Variants in RIMS2 observed in about 807,000 individuals in gnomAD.
RIMS2 encodes the protein regulating synaptic membrane exocytosis protein 2.
RIMS2 carries 59 observed loss-of-function variants against 174.4 expected under a neutral mutation model. That is an observed-to-expected ratio of 0.34 (90% confidence interval 0.27 to 0.42). The LOEUF is 0.42. Ranked by LOEUF, RIMS2 falls within the 10% of genes least tolerant of loss-of-function variation. The pLI, the probability that RIMS2 is intolerant of heterozygous loss-of-function variation, is 1.00. For synonymous variants in RIMS2, 606 were observed against 572.5 expected (o/e 1.06, Z -0.84); for missense variants, 1,620 against 1,666.3 (o/e 0.97, Z 0.48).
intron 1 of RIMS2, among the ~76,000 whole-genome samples, chr8:103,629,374 A>G (rs1236440929): frequency 6.6e-6 from 1 of 152,250 alleles, no homozygotes; most frequent in Admixed American, 6.5e-5. Flanking sequence ...AGAACTCAGC[A>G]GTGGTATAGA....
At chr8:103,566,192 GTA>G (rs1436092821) in intron 1 of RIMS2, among the ~76,000 whole-genome samples, 1 of 152,112 alleles carries the variant, frequency 6.6e-6, no homozygotes, top group Non-Finnish European at 1.5e-5. Flanking sequence ...GTCTTAACTG[GTA>G]TTTCTTACAT....
intron 17 of RIMS2, among the ~76,000 whole-genome samples, chr8:103,999,081 A>G (rs533835074): frequency 2.0e-5 from 3 of 151,848 alleles, no homozygotes; most frequent in African/African-American, 7.2e-5. Flanking sequence ...ATGTGGTGGA[A>G]GGCTTAGCTA....
intron 3 of RIMS2, among the ~76,000 whole-genome samples, chr8:103,801,238 C>T (rs948202281): frequency 5.3e-5 from 8 of 152,190 alleles, no homozygotes; most frequent in African/African-American, 1.9e-4. Context: ...CCTCCCGCCT[C>T]CGCCTCCCAA....
chr8:103,946,571 G>A (rs984883259), intron 14 of RIMS2, among the ~76,000 whole-genome samples: 3 of 151,944 alleles, frequency 2.0e-5, no homozygotes, highest in East Asian at 1.9e-4. Context: ...GTTCAAACTC[G>A]TACAATAAAA....
chr8:103,967,358 T>A (rs1272477555), intron 15 of RIMS2, among the ~76,000 whole-genome samples: 1 of 151,174 alleles, frequency 6.6e-6, no homozygotes, highest in Non-Finnish European at 1.5e-5. Flanking sequence ...ATCTGGCTAA[T>A]TTGTTTTGTA....
At chr8:104,183,507 T>C (rs1375541839) in intron 19 of RIMS2, among the ~76,000 whole-genome samples, 1 of 151,554 alleles carries the variant, frequency 6.6e-6, no homozygotes, top group African/African-American at 2.4e-5. Context: ...AACTAGACAA[T>C]TTTGAATACT....
intron 1 of RIMS2, among the ~76,000 whole-genome samples, chr8:103,594,421 A>G (rs878855709): frequency 4.0e-5 from 6 of 151,658 alleles, no homozygotes; most frequent in East Asian, 1.9e-4. Context: ...TTGTTAATCA[A>G]TCAACAGTAT....
At chr8:104,194,493 G>A (rs2136548359) in intron 19 of RIMS2, among the ~76,000 whole-genome samples, 1 of 152,210 alleles carries the variant, frequency 6.6e-6, no homozygotes, top group Non-Finnish European at 1.5e-5. Flanking sequence ...TAGATATAGG[G>A]TGGGGACATG....
intron 3 of RIMS2, among the ~76,000 whole-genome samples, chr8:103,863,695 T>C (rs1193749076): frequency 6.6e-6 from 1 of 152,040 alleles, no homozygotes; most frequent in Non-Finnish European, 1.5e-5. Flanking sequence ...TCCAGAAATA[T>C]ATCCTAGGTT....
chr8:103,745,668 G>A lies in RIMS2; in HGVS notation c.388-20559G>A, dbSNP rs1325028292. 2.0e-5 allele frequency among the ~76,000 whole-genome samples: 3 copies of A among 152,250 alleles called. No homozygotes were observed. The East Asian group carries it at 5.8e-4, about 29-fold the overall frequency. On this transcript the variant is annotated intron_variant, in intron 2 of 23. Transcript: ENST00000504942. ...TAAAAAATGACATATATTTCAGTGG[G>A]TATGAAGTGGTATCTCATTATGGCT...
intron 2 of RIMS2, among the ~76,000 whole-genome samples, chr8:103,738,705 A>G (rs2097719557): frequency 6.6e-6 from 1 of 152,182 alleles, no homozygotes; most frequent in African/African-American, 2.4e-5. Context: ...AACCCCATCA[A>G]AAAGTGGGCA....
chr8:103,846,444 A>G (rs189398631), intron 3 of RIMS2, among the ~76,000 whole-genome samples: 1 of 152,210 alleles, frequency 6.6e-6, no homozygotes, highest in East Asian at 1.9e-4. Context: ...CTGAATATAA[A>G]TCCTTCCTCA....
At chr8:103,777,828 C>T (rs947162091) in intron 3 of RIMS2, among the ~76,000 whole-genome samples, 1 of 151,834 alleles carries the variant, frequency 6.6e-6, no homozygotes, top group Admixed American at 6.6e-5. Flanking sequence ...AAAAAATCCA[C>T]TCTTAAAAAG....
chr8:103,906,398 AC>A (rs1565229533), intron 4 of RIMS2, among the ~76,000 whole-genome samples: 1 of 151,984 alleles, frequency 6.6e-6, no homozygotes, highest in Admixed American at 6.6e-5. Context: ...GCTACATGCC[AC>A]CATGCCCAGC....
At chr8:104,217,868 C>T (rs914334550) in intron 19 of RIMS2, among the ~76,000 whole-genome samples, 1 of 151,892 alleles carries the variant, frequency 6.6e-6, no homozygotes. Context: ...ATTTATCGCT[C>T]ATGACTTAAA....
intron 19 of RIMS2, among the ~76,000 whole-genome samples, chr8:104,219,193 C>T (rs2511563): frequency 1 from 152,326 of 152,358 alleles, 76,147 homozygotes; most frequent in Non-Finnish European, 1. Context: ...CATTGGTATA[C>T]AGTTTGAGTA....
At chr8:103,614,719 A>G (rs965477987) in intron 1 of RIMS2, among the ~76,000 whole-genome samples, 1 of 152,242 alleles carries the variant, frequency 6.6e-6, no homozygotes, top group Non-Finnish European at 1.5e-5. Flanking sequence ...AGTGATCATC[A>G]CAAAGGAGTA....
intron 19 of RIMS2, among the ~76,000 whole-genome samples, chr8:104,238,519 C>T (rs2099270795): frequency 6.6e-6 from 1 of 150,664 alleles, no homozygotes. Context: ...CAGAGTCTAC[C>T]ACAGAGGTTG....
intron 1 of RIMS2, among the ~76,000 whole-genome samples, chr8:103,570,488 C>A (rs1310874478): frequency 6.6e-6 from 1 of 152,076 alleles, no homozygotes; most frequent in Non-Finnish European, 1.5e-5. Context: ...TGATGCTTTG[C>A]TTCTCTAAAC....
Sources: allele counts gnomAD v4.1 joint callset (sites outside exome capture counted in the v4.1 genomes callset), GRCh38; gene constraint gnomAD v4.1.1; transcripts MANE v1.5; gene names NCBI Gene and HGNC (gene_info 2026-07-23, HGNC 2026-07-21).